The following B4GALNT4 variants were observed in gnomAD, a reference collection of about 807,000 sequenced individuals.
B4GALNT4 encodes the protein N-acetyl-beta-glucosaminyl-glycoprotein 4-beta-N-acetylgalactosaminyltransferase 1.
Under a neutral mutation model 110.0 loss-of-function variants are expected in B4GALNT4, and 77 were observed. The ratio of observed to expected loss-of-function variants is 0.70; its 90% CI spans 0.58 to 0.85. The LOEUF (loss-of-function observed/expected upper bound fraction) is 0.85, where lower values mean the gene tolerates loss of function less well. B4GALNT4 is among the 40% of genes least tolerant of loss of function. The pLI, the probability that B4GALNT4 is intolerant of heterozygous loss-of-function variation, is 0.00. For synonymous variants in B4GALNT4, 785 were observed against 655.5 expected (o/e 1.20, Z -3.02); for missense variants, 1,575 against 1,506.0 (o/e 1.05, Z -0.76).
At position 380,830 on chromosome 11, in the gene B4GALNT4, T is replaced by C; in HGVS notation, c.2875T>C (p.Trp959Arg). 6.2e-7 allele frequency: 1 copy of C among 1,613,720 alleles called. No homozygotes were observed. The highest frequency in any genetic ancestry group is 8.5e-7 in the Non-Finnish European group (1 of 1,179,844). ...CCCTCACCCTCCCGCCCCAGGTTAC[T>C]GGGAGGTGAACGGCTTTGGCCTTTT... Reference protein sequence around the residue: ...GSSPRDPHGYWEVNGFGLFGI... With the variant: ...GSSPRDPHGYREVNGFGLFGI... Residue 959 changes from tryptophan (W) to arginine (R), a missense_variant, in exon 19 of 20, where the codon TGG (tryptophan) becomes CGG (arginine). Trp to Arg is a moderately radical substitution (Grantham distance 101, BLOSUM62 -3). Transcript: ENST00000329962.
chr11:376,716 G>A lies in B4GALNT4; in HGVS notation c.1593G>A (p.Arg531=). 1 of 1,408,138 alleles carries A rather than the reference G, an allele frequency of 7.1e-7. No individual in the cohort carries two copies. The highest frequency in any genetic ancestry group is 9.2e-7 in the Non-Finnish European group (1 of 1,087,012). The allele number at this position is 1,408,138 out of a possible 1,614,324, so 87.2% of individuals were successfully genotyped here. The change falls in exon 14 of 20, where the codon CGG becomes CGA. Residue 531 remains arginine, a synonymous_variant. Coordinates refer to ENST00000329962, the MANE Select transcript of B4GALNT4 (RefSeq NM_178537.5). ...CAAAGGTGTACGTGACCAGGGTGCGGCCGGGACAGCGGGCATCCCCCCGGG... is the reference window on the plus strand; with the variant it reads ...CAAAGGTGTACGTGACCAGGGTGCGACCGGGACAGCGGGCATCCCCCCGGG... ...PPPKVYVTRV[R]PGQRASPRAP... is the part of the protein sequence containing the mutation.
chr11:373,107 G>C lies in B4GALNT4; in HGVS notation c.526G>C (p.Ala176Pro). 1 of 1,612,608 alleles carries C rather than the reference G, an allele frequency of 6.2e-7. No homozygotes were observed. The highest frequency in any genetic ancestry group is 1.3e-5 in the African/African-American group (1 of 74,990). Reference protein sequence around the residue: ...GLRIFGFIHPARDGDVQFSVA... With the variant: ...GLRIFGFIHPPRDGDVQFSVA... The stretch of plus-strand genomic sequence containing the variant: ...CCGTATTTTTGGTTTCATCCACCCG[G>C]CGAGGGACGGTACGGGGGTGAGGGT... The change falls in exon 5 of 20, where the codon GCG becomes CCG. Residue 176 changes from alanine (A) to proline (P), a missense_variant. Transcript: ENST00000329962.
chr11:373,201 G>A lies in B4GALNT4; in HGVS notation c.546G>A (p.Gln182=), dbSNP rs752907826. Residue 182 remains glutamine (Q), a synonymous_variant, in exon 6 of 20, where the codon CAG becomes CAA. Transcript: ENST00000329962. The part of the protein sequence containing the change: ...FIHPARDGDV[Q]FSVASDDNSE... ...AGTCTTGTGGACTAGGAGACGTCCAGTTTTCTGTGGCCTCAGACGACAACT... is the reference window on the plus strand; with the variant it reads ...AGTCTTGTGGACTAGGAGACGTCCAATTTTCTGTGGCCTCAGACGACAACT... 11 of 1,612,364 alleles carry A rather than the reference G, an allele frequency of 6.8e-6. No individual in the cohort carries two copies. In the East Asian group the frequency reaches 2.5e-4, roughly 36 times the overall value.
chr11:375,394 G>C, intron 8 of B4GALNT4, 67 bp from the exon 9 acceptor site: 2 of 1,545,482 alleles, frequency 1.3e-6, no homozygotes, highest in Middle Eastern at 2.2e-4. Flanking sequence ...CTGAGCCAGG[G>C]TAGACCCTTT....
chr11:380,148 A>T lies in B4GALNT4; in HGVS notation c.2661A>T (p.Arg887=). 1 of 1,603,920 alleles carries T rather than the reference A, an allele frequency of 6.2e-7. No homozygotes were observed. The highest frequency in any genetic ancestry group is 8.5e-7 in the Non-Finnish European group (1 of 1,173,048). ...ARLPRYQYLR[R]TGNFERSAGL... ...TCCCCAGGTACCAGTACCTGAGACG[A>T]ACCGGGAACTTCGAGCGCTCCGCCG... Residue 887 remains arginine (R), a synonymous_variant, in exon 17 of 20, where the codon CGA becomes CGT. Coordinates refer to ENST00000329962, the MANE Select transcript of B4GALNT4 (RefSeq NM_178537.5).
chr11:373,979 G>A (rs1479875977), intron 8 of B4GALNT4, 151 bp downstream of exon 8: 4 of 726,356 alleles, frequency 5.5e-6, no homozygotes, highest in African/African-American at 5.3e-5. Context: ...CTGCCCTCCT[G>A]GGGGGCTCGG....
In B4GALNT4 at chr11:369,710, G is replaced by T. The variant is rs1846574496; in HGVS notation, c.-94G>T. The T allele has an allele frequency of 9.5e-6, 6 of 631,798 alleles. No individual in the cohort carries two copies. The highest frequency in any genetic ancestry group is 9.8e-6 in the Non-Finnish European group (5 of 510,492). 39.1% of individuals were successfully genotyped at this position (631,798 alleles called of 1,614,324 possible). On this transcript the variant is annotated 5_prime_UTR_variant, in exon 1 of 20. Transcript: ENST00000329962. ...TGCGGGGCCGCGGGCGCTGAGCGCG[G>T]CGGGGCGGGCCGGGGATGCGGCGCG...
At chr11:380,983 C>T (rs768181648) in intron 19 of B4GALNT4, 32 bp downstream of exon 19, 42 of 1,599,522 alleles carry the variant, frequency 2.6e-5, no homozygotes, top group South Asian at 1.9e-4. Flanking sequence ...AGAGGTGACA[C>T]CCTGACCCCT....
rs748306678 is a variant in B4GALNT4 at position 375,695 on chromosome 11, C to T, written c.907C>T (p.His303Tyr). The T allele has an allele frequency of 5.0e-5, 80 of 1,594,268 alleles. No individual in the cohort carries two copies. Among genetic ancestry groups the T allele is most frequent in the Non-Finnish European group, 6.6e-5 (78 of 1,175,024 alleles). ...VAHVPQSPAS[H>Y]VGGRPPQEET... ...GCACGTCCCCCAGTCTCCAGCCAGCCACGTGGGGGGGCGTCCGCCGCAGGA... is the reference window on the plus strand; with the variant it reads ...GCACGTCCCCCAGTCTCCAGCCAGCTACGTGGGGGGGCGTCCGCCGCAGGA... The change falls in exon 10 of 20, where the codon CAC (histidine) becomes TAC (tyrosine). Residue 303 changes from histidine (H) to tyrosine (Y), a missense_variant. His to Tyr is a moderately conservative substitution (Grantham distance 83). Coordinates refer to ENST00000329962, the MANE Select transcript of B4GALNT4 (RefSeq NM_178537.5).
At position 376,300 on chromosome 11, in the gene B4GALNT4, G is replaced by A. The variant is rs1846749642; in HGVS notation, c.1246G>A (p.Asp416Asn). ...GATGGACAAGGAGGAGGGGGATGAGGATGAAGAAGACGAGGTGCAGCGCCG... is the reference window on the plus strand; with the variant it reads ...GATGGACAAGGAGGAGGGGGATGAGAATGAAGAAGACGAGGTGCAGCGCCG... ...MKMDKEEGDE[D>N]EEDEVQRRAF... The change falls in exon 13 of 20, where the codon GAT becomes AAT. Residue 416 changes from aspartate to asparagine, a missense_variant. Physicochemically the swap from Asp to Asn is conservative, Grantham distance 23 (BLOSUM62 1). Transcript: ENST00000329962. 2 of 1,610,602 alleles carry A rather than the reference G, an allele frequency of 1.2e-6. No homozygotes were observed. The highest frequency in any genetic ancestry group is 1.7e-6 in the Non-Finnish European group (2 of 1,178,626).
In B4GALNT4 at chr11:372,167, A is replaced by G. The variant is rs1445202566; in HGVS notation, c.210A>G (p.Thr70=). Residue 70 remains threonine, a synonymous_variant, in exon 2 of 20, where the codon ACA becomes ACG. Coordinates refer to ENST00000329962, the MANE Select transcript of B4GALNT4 (RefSeq NM_178537.5). ...GGGGGGTCCACGCTGCGCCATCCACACAGAGGGCTGAGGACTCCAGTGAGA... is the reference window on the plus strand; with the variant it reads ...GGGGGGTCCACGCTGCGCCATCCACGCAGAGGGCTGAGGACTCCAGTGAGA... ...DGRGVHAAPS[T]QRAEDSSESR... The G allele has an allele frequency of 2.6e-6, 4 of 1,550,100 alleles. No individual in the cohort carries two copies. Among genetic ancestry groups the G allele is most frequent in the African/African-American group, 1.4e-5 (1 of 73,168 alleles).
rs1399251395 is a variant in B4GALNT4 at position 369,505 on chromosome 11, C to G, written c.-299C>G. ...GCGCGCGCGGCCGGGGCCCGATCCG[C>G]GGTGGCAGCCGTGGATGCTGTTCGG... is the stretch of plus-strand genomic sequence containing the variant. On this transcript the variant is annotated 5_prime_UTR_variant, in exon 1 of 20. Coordinates refer to ENST00000329962, the MANE Select transcript of B4GALNT4 (RefSeq NM_178537.5). Among the ~76,000 whole-genome samples, 1 of 117,924 alleles carries G rather than the reference C, an allele frequency of 8.5e-6. No homozygotes were observed. The highest frequency in any genetic ancestry group is 1.8e-5 in the Non-Finnish European group (1 of 56,332). The allele number at this position is 117,924 out of a possible 152,430, so 77.4% of individuals were successfully genotyped here.
chr11:379,934 G>A lies in B4GALNT4; in HGVS notation c.2557G>A (p.Asp853Asn), dbSNP rs1846838451. Residue 853 changes from aspartate (D) to asparagine (N), a missense_variant, in exon 16 of 20, where the codon GAC becomes AAC. Physicochemically the swap from Asp to Asn is conservative, Grantham distance 23. Transcript: ENST00000329962. ...DMAALHARTG[D>N]SRFSVVLVDF... ...GGCTGCGCTGCACGCGCGCACCGGG[G>A]ACTCGCGTTTCAGCGTCGTCCTGGT... is the stretch of plus-strand genomic sequence containing the variant. 6.2e-7 allele frequency: 1 copy of A among 1,611,690 alleles called. No individual in the cohort carries two copies. Among genetic ancestry groups the A allele is most frequent in the Non-Finnish European group, 8.5e-7 (1 of 1,179,848 alleles).
intron 16 of B4GALNT4, 21 bp downstream of exon 16, chr11:380,040 C>T (rs776344881): frequency 6.2e-7 from 1 of 1,608,498 alleles, no homozygotes; most frequent in Non-Finnish European, 8.5e-7. Context: ...CTACTTCCAC[C>T]TGGGCGGACC....
intron 18 of B4GALNT4, 175 bp downstream of exon 18, chr11:380,620 G>A: frequency 7.9e-7 from 1 of 1,271,700 alleles, no homozygotes. Flanking sequence ...GGCCATGCCA[G>A]GGGCCCCAGG....
chr11:371,169 CT>C (rs1846612050), intron 1 of B4GALNT4, among the ~76,000 whole-genome samples: 1 of 152,206 alleles, frequency 6.6e-6, no homozygotes, highest in Admixed American at 6.5e-5. Context: ...GCTAAGCCAG[CT>C]CCGCCCCAGG....
intron 1 of B4GALNT4, 92 bp downstream of exon 1, chr11:370,046 G>A (rs1846588390): frequency 6.4e-6 from 1 of 155,854 alleles, no homozygotes; most frequent in East Asian, 2.1e-4. Context: ...GGGCGGCGCG[G>A]GCGGCGGGGG....
intron 18 of B4GALNT4, 64 bp downstream of exon 18, chr11:380,509 A>G (rs997108008): frequency 1.2e-5 from 19 of 1,529,402 alleles, no homozygotes; most frequent in Middle Eastern, 1.7e-4. Flanking sequence ...GGTAAAGTCC[A>G]GGAACCCGGG....
At position 377,052 on chromosome 11, in the gene B4GALNT4, C is replaced by T; in HGVS notation, c.1929C>T (p.Gly643=). ...CCGGGCCGCAGCTGCCCGGGGAGGG[C>T]GAAGAGGAGGAGGAAGGGGAGGACG... ...QVSGPQLPGE[G]EEEEEGEDDG... The change falls in exon 14 of 20, where the codon GGC becomes GGT. Residue 643 remains glycine, a synonymous_variant. Coordinates refer to ENST00000329962, the MANE Select transcript of B4GALNT4 (RefSeq NM_178537.5). 2.1e-6 allele frequency: 3 copies of T among 1,439,434 alleles called. No individual in the cohort carries two copies. Among genetic ancestry groups the T allele is most frequent in the Middle Eastern group, 2.3e-4 (1 of 4,416 alleles). The allele number at this position is 1,439,434 out of a possible 1,614,324, so 89.2% of individuals were successfully genotyped here.
Sources: gnomAD v4.1 joint callset for allele counts (sites outside exome capture counted in the v4.1 genomes callset) on GRCh38, gnomAD v4.1.1 for gene constraint, MANE v1.5 for transcripts, NCBI Gene and HGNC (gene_info 2026-07-23, HGNC 2026-07-21) for gene names.